C18orf54: variants seen among roughly 807,000 people sequenced by gnomAD.
C18orf54 encodes the protein lung adenoma susceptibility protein 2.
In C18orf54, 49 loss-of-function variants were observed where a neutral mutation model predicts 49.3. The ratio of observed to expected loss-of-function variants is 0.99; its 90% CI spans 0.79 to 1.26. The LOEUF (loss-of-function observed/expected upper bound fraction) is 1.26, where lower values mean the gene tolerates loss of function less well. Among genes scored for constraint, C18orf54 ranks in the 50% most tolerant of loss-of-function variants. The pLI is 0.00. For missense variants in C18orf54, 687 were observed against 620.6 expected, an observed-to-expected ratio of 1.11 and a Z score of -1.14; for synonymous variants, 211 against 216.6, an observed-to-expected ratio of 0.97 and a Z score of 0.23.
At chr18:54,360,012 G>A (rs2089231361) in intron 2 of C18orf54, among the ~76,000 whole-genome samples, 1 of 152,154 alleles carries the variant, frequency 6.6e-6, no homozygotes, top group Admixed American at 6.5e-5. Flanking sequence ...TGTTGTAAAT[G>A]TACTAGCATT....
intron 2 of C18orf54, 113 bp downstream of exon 2, chr18:54,358,983 A>C (rs2089205757): frequency 6.6e-6 from 1 of 152,202 alleles, no homozygotes; most frequent in South Asian, 2.1e-4. Flanking sequence ...GGGTCTGTTC[A>C]GCGATTGTTG....
At chr18:54,367,812 T>G (rs944320958) in intron 6 of C18orf54, among the ~76,000 whole-genome samples, 1 of 152,118 alleles carries the variant, frequency 6.6e-6, no homozygotes, top group African/African-American at 2.4e-5. Context: ...CCTTCTCTTC[T>G]CCTTGTGGAA....
chr18:54,362,116 A>G lies in C18orf54; in HGVS notation c.757A>G (p.Ile253Val). Residue 253 changes from isoleucine (I) to valine (V), a missense_variant, in exon 4 of 9, where the codon ATA (isoleucine) becomes GTA (valine). Ile to Val is a conservative substitution (Grantham distance 29). Transcript: ENST00000620105. Reference protein sequence around the residue: ...SQKSDLNVSGITSIPDFKYPV... With the variant: ...SQKSDLNVSGVTSIPDFKYPV... Reference sequence around the variant, plus strand: ...GAAATCTGACCTTAATGTTTCAGGGATAACTAGTATACCTGATTTCAAATA... The same window carrying G: ...GAAATCTGACCTTAATGTTTCAGGGGTAACTAGTATACCTGATTTCAAATA... 6.5e-7 allele frequency: 1 copy of G among 1,537,150 alleles called. No individual in the cohort carries two copies. The highest frequency in any genetic ancestry group is 8.7e-7 in the Non-Finnish European group (1 of 1,146,928).
At chr18:54,376,425 C>G (rs954420010) in intron 8 of C18orf54, among the ~76,000 whole-genome samples, 1 of 152,192 alleles carries the variant, frequency 6.6e-6, no homozygotes, top group East Asian at 1.9e-4. Flanking sequence ...TCTCAAACTC[C>G]TGACCTCAGG....
chr18:54,366,217 TAG>T, intron 6 of C18orf54, among the ~76,000 whole-genome samples: 1 of 151,992 alleles, frequency 6.6e-6, no homozygotes, highest in South Asian at 2.1e-4. Context: ...TTTAGAACAC[TAG>T]GACTTATTTT....
At chr18:54,367,649 G>C (rs1378584235) in intron 6 of C18orf54, among the ~76,000 whole-genome samples, 2 of 152,026 alleles carry the variant, frequency 1.3e-5, no homozygotes, top group Non-Finnish European at 2.9e-5. Context: ...TTTTAGAATT[G>C]CCTTTGCAGT....
Position 54,374,238 on chromosome 18 carries a change from T to A in C18orf54, c.1483T>A (p.Leu495Ile), listed in dbSNP as rs1206238711. ...GGTTTCAGAAGATGATTTCTCTAAA[T>A]TACAGTTGAAGGAAAGTATGATTCC... ...KQVSEDDFSKLQLKESMIPIT... is the reference protein window; with the variant it reads ...KQVSEDDFSKIQLKESMIPIT... The change falls in exon 8 of 9, where the codon TTA (leucine) becomes ATA (isoleucine). Residue 495 changes from leucine to isoleucine, a missense_variant. Transcript: ENST00000620105. The A allele has an allele frequency of 6.3e-7, 1 of 1,582,026 alleles. No individual in the cohort carries two copies. Among genetic ancestry groups the A allele is most frequent in the Non-Finnish European group, 8.6e-7 (1 of 1,163,082 alleles).
intron 5 of C18orf54, chr18:54,364,083 T>A (rs913995953): frequency 2.6e-5 from 4 of 151,906 alleles, no homozygotes; most frequent in African/African-American, 4.8e-5. Context: ...AATATTTTAT[T>A]TTCTTCTTTT....
chr18:54,378,120 G>T, intron 8 of C18orf54, 54 bp from the exon 9 acceptor site: 4 of 1,354,810 alleles, frequency 3.0e-6, no homozygotes, highest in East Asian at 2.4e-5. Flanking sequence ...GTCTGCATTG[G>T]CTATTCAGTT....
At position 54,381,660 on chromosome 18, in the gene C18orf54, T is replaced by C. The variant is rs1010277749; in HGVS notation, c.*3414T>C. 2.6e-5 allele frequency: 4 copies of C among 152,218 alleles called. No individual in the cohort carries two copies. Among genetic ancestry groups the C allele is most frequent in the African/African-American group, 4.8e-5 (2 of 41,452 alleles). 9.4% of individuals were successfully genotyped at this position (152,218 alleles called of 1,614,324 possible). On this transcript the variant is annotated 3_prime_UTR_variant, in exon 9 of 9. Coordinates refer to ENST00000620105, the MANE Select transcript of C18orf54 (RefSeq NM_001288980.2). ...TTATTCTTTTATCTAACGCTTACTC[T>C]TACATTTCTTTAAAGCTCTGGCCAA... is the stretch of plus-strand genomic sequence containing the variant.
chr18:54,377,076 T>C (rs1221435669), intron 8 of C18orf54, among the ~76,000 whole-genome samples: 2 of 152,046 alleles, frequency 1.3e-5, no homozygotes, highest in Non-Finnish European at 2.9e-5. Flanking sequence ...TTGCCCAGGC[T>C]GGAGGCTGGA....
At chr18:54,370,441 C>A (rs933200127) in intron 6 of C18orf54, among the ~76,000 whole-genome samples, 1 of 152,126 alleles carries the variant, frequency 6.6e-6, no homozygotes, top group African/African-American at 2.4e-5. Flanking sequence ...ACTTGAACTT[C>A]CTTGAACTTT....
At chr18:54,359,620 A>G (rs2089220294) in intron 2 of C18orf54, among the ~76,000 whole-genome samples, 2 of 152,256 alleles carry the variant, frequency 1.3e-5, no homozygotes, top group South Asian at 4.1e-4. Context: ...ACATCATAGC[A>G]TATGTTAAGT....
chr18:54,376,965 G>A (rs192795977), intron 8 of C18orf54, among the ~76,000 whole-genome samples: 23 of 151,846 alleles, frequency 1.5e-4, no homozygotes, highest in African/African-American at 4.3e-4. Context: ...TTACCTTTCT[G>A]CTCACCATAA....
intron 5 of C18orf54, among the ~76,000 whole-genome samples, chr18:54,365,187 G>A (rs1362946892): frequency 6.6e-6 from 1 of 151,936 alleles, no homozygotes; most frequent in African/African-American, 2.4e-5. Context: ...TATAGTGAGT[G>A]GGACTGAGAT....
At chr18:54,376,092 T>C (rs555367401) in intron 8 of C18orf54, among the ~76,000 whole-genome samples, 3 of 152,350 alleles carry the variant, frequency 2.0e-5, no homozygotes, top group African/African-American at 7.2e-5. Context: ...AAGTTACTGA[T>C]TATACTTTGT....
At chr18:54,373,794 A>T (rs2089527668) in intron 7 of C18orf54, among the ~76,000 whole-genome samples, 1 of 151,842 alleles carries the variant, frequency 6.6e-6, no homozygotes. Flanking sequence ...ATTACAAGTG[A>T]GTGGATCAGC....
At chr18:54,370,663 C>T (rs1226718787) in intron 6 of C18orf54, among the ~76,000 whole-genome samples, 1 of 152,050 alleles carries the variant, frequency 6.6e-6, no homozygotes, top group Admixed American at 6.5e-5. Flanking sequence ...TTGTATTATC[C>T]ATACAATATT....
At chr18:54,358,403 TCTC>T (rs76036332) in intron 1 of C18orf54, among the ~76,000 whole-genome samples, 3,149 of 152,252 alleles carry the variant, frequency 0.021, 73 homozygotes, top group Admixed American at 0.085. Context: ...TCGGAACACT[TCTC>T]CTTCAGTCCA....
Sources: gnomAD v4.1 joint callset for allele counts (sites outside exome capture counted in the v4.1 genomes callset) on GRCh38, gnomAD v4.1.1 for gene constraint, MANE v1.5 for transcripts, NCBI Gene and HGNC (gene_info 2026-07-23, HGNC 2026-07-21) for gene names.